SLC27A1: variants seen among roughly 807,000 people sequenced by gnomAD.
The protein encoded by SLC27A1 is solute carrier family 27 member 1, also known as long-chain fatty acid transport protein 1.
Under a neutral mutation model 62.2 loss-of-function variants are expected in SLC27A1, and 61 were observed. The ratio of observed to expected loss-of-function variants is 0.98; its 90% CI spans 0.80 to 1.21. The LOEUF is 1.21. SLC27A1 is among the 50% of genes most tolerant of loss of function. The pLI is 0.00. For synonymous variants in SLC27A1, 435 were observed against 408.6 expected (o/e 1.06, Z -0.78); for missense variants, 903 against 932.1 (o/e 0.97, Z 0.41).
chr19:17,483,117 GGAAT>G (rs1237115034), intron 1 of SLC27A1, among the ~76,000 whole-genome samples: 2 of 151,600 alleles, frequency 1.3e-5, no homozygotes, highest in Non-Finnish European at 1.5e-5. Context: ...AGGGAATGAG[GGAAT>G]GAATGAACAA....
At chr19:17,475,030 T>C (rs566869864) in intron 1 of SLC27A1, among the ~76,000 whole-genome samples, 18 of 152,054 alleles carry the variant, frequency 1.2e-4, no homozygotes, top group African/African-American at 4.3e-4. Context: ...TTCTCCTGTC[T>C]CAGCCTCCCG....
rs912909134 is a variant in SLC27A1, at chr19:17,500,343, C to A, written c.1272C>A (p.Val424=). 1.2e-6 allele frequency: 2 copies of A among 1,614,110 alleles called. No homozygotes were observed. The highest frequency in any genetic ancestry group is 1.7e-6 in the Non-Finnish European group (2 of 1,180,046). The part of the protein sequence containing the change: ...PHVYPIRLVK[V]NEDTMELLRD... ...TGTACCCCATCCGGCTGGTGAAGGT[C>A]AATGAGGACACAATGGAGCTGCTGC... The change falls in exon 8 of 12, where the codon GTC becomes GTA. Residue 424 remains valine (V), a synonymous_variant. Coordinates refer to ENST00000252595, the MANE Select transcript of SLC27A1 (RefSeq NM_198580.3).
rs899132232 is a variant in SLC27A1, at chr19:17,486,256, A to C, written c.168-307A>C. On this transcript the variant is annotated intron_variant, in intron 1 of 11. Coordinates refer to ENST00000252595, the MANE Select transcript of SLC27A1 (RefSeq NM_198580.3). The surrounding 1 kb of genome is among the most constrained non-coding windows in gnomAD (Gnocchi z 6.6). ...TGGGGGATGGTGTCAGGTGCTCCAG[A>C]CGTCGCAGGGGACAGAAAGGAGGAT... Among the ~76,000 whole-genome samples, 10 of 152,124 alleles carry C rather than the reference A, an allele frequency of 6.6e-5. No individual in the cohort carries two copies. The highest frequency in any genetic ancestry group is 2.4e-4 in the African/African-American group (10 of 41,424).
At chr19:17,481,125 A>G (rs1310625111) in intron 1 of SLC27A1, among the ~76,000 whole-genome samples, 1 of 151,456 alleles carries the variant, frequency 6.6e-6, no homozygotes, top group African/African-American at 2.4e-5. Flanking sequence ...GGGTTTCTCC[A>G]TGTTGGCCAG....
At position 17,500,851 on chromosome 19, in the gene SLC27A1, G is replaced by T; in HGVS notation, c.1611G>T (p.Val537=). The T allele has an allele frequency of 1.2e-6, 2 of 1,610,314 alleles. No individual in the cohort carries two copies. The highest frequency in any genetic ancestry group is 1.7e-6 in the Non-Finnish European group (2 of 1,178,816). ...GCCGCCTGCTGGGCCAGACAGACGTGGCCGTCTATGGGGTGGCTGTTCCAG... is the reference window on the plus strand; with the variant it reads ...GCCGCCTGCTGGGCCAGACAGACGTTGCCGTCTATGGGGTGGCTGTTCCAG... ...VLSRLLGQTD[V]AVYGVAVPGV... The change falls in exon 10 of 12, where the codon GTG becomes GTT. Residue 537 remains valine, a synonymous_variant. Transcript: ENST00000252595.
rs373170683 is a variant in SLC27A1, at chr19:17,504,476, C to T, written c.1805C>T (p.Thr602Met). 4.8e-5 allele frequency: 78 copies of T among 1,614,030 alleles called. No homozygotes were observed. The East Asian group carries it at 9.8e-4, about 20-fold the overall frequency. Reference sequence around the variant, plus strand: ...ATAGGCACCTTCAAGATCCAGAAGACGAGGCTGCAGCGAGAGGGCTTTGAC... The same window carrying T: ...ATAGGCACCTTCAAGATCCAGAAGATGAGGCTGCAGCGAGAGGGCTTTGAC... ...DTTGTFKIQK[T>M]RLQREGFDPR... The change falls in exon 12 of 12, where the codon ACG (threonine) becomes ATG (methionine). Residue 602 changes from threonine to methionine, a missense_variant. By Grantham distance (81) the Thr-to-Met change is moderately conservative. Transcript: ENST00000252595.
Position 17,504,905 on chromosome 19 carries a change from T to C in SLC27A1, c.*293T>C, listed in dbSNP as rs1469690160. 1.8e-6 allele frequency: 1 copy of C among 553,352 alleles called. No individual in the cohort carries two copies. Among genetic ancestry groups the C allele is most frequent in the Non-Finnish European group, 3.4e-6 (1 of 290,980 alleles). The allele number at this position is 553,352 out of a possible 1,614,324, so 34.3% of individuals were successfully genotyped here. A position where few individuals can be genotyped will look rare whatever the true frequency, so the allele number is the denominator to read the frequency against. On this transcript the variant is annotated 3_prime_UTR_variant, in exon 12 of 12. Coordinates refer to ENST00000252595, the MANE Select transcript of SLC27A1 (RefSeq NM_198580.3). The stretch of plus-strand genomic sequence containing the variant: ...TTTCTTTTCTTTCTTTCTTTCTTTT[T>C]TTTTTAAGATAGAGTCTCACTCTGC...
chr19:17,496,306 G>T, intron 6 of SLC27A1: 1 of 152,178 alleles, frequency 6.6e-6, no homozygotes, highest in Non-Finnish European at 1.5e-5. Flanking sequence ...AGTGGCGGGG[G>T]GGGAGTCATT....
rs778593653 is a variant in SLC27A1 at position 17,500,797 on chromosome 19, C to G, written c.1557C>G (p.Val519=). 6.2e-7 allele frequency: 1 copy of G among 1,612,646 alleles called. No homozygotes were observed. Among genetic ancestry groups the G allele is most frequent in the Non-Finnish European group, 8.5e-7 (1 of 1,179,638 alleles). The change falls in exon 10 of 12, where the codon GTC becomes GTG. Residue 519 remains valine (V), a synonymous_variant. Transcript: ENST00000252595. The part of the protein sequence containing the change: ...GDTFRWRGEN[V]STTEVEGVLS... ...CCTTCCGCTGGCGAGGGGAGAACGT[C>G]TCCACCACCGAGGTGGAGGGCGTGC... is the stretch of plus-strand genomic sequence containing the variant.
intron 1 of SLC27A1, among the ~76,000 whole-genome samples, chr19:17,485,854 C>G (rs1800548086): frequency 6.6e-6 from 1 of 152,088 alleles, no homozygotes; most frequent in African/African-American, 2.4e-5. Flanking sequence ...AGTTCATTCT[C>G]ATTCATCTAA....
chr19:17,503,931 CAAAAAAAAA>C (rs749427478), intron 11 of SLC27A1, among the ~76,000 whole-genome samples: 9 of 53,316 alleles, frequency 1.7e-4, no homozygotes, highest in Admixed American at 9.9e-4. Context: ...GACTATGTCT[CAAAAAAAAA>C]AAAAAAAAAA....
chr19:17,488,614 C>G (rs917875698), intron 4 of SLC27A1: 11 of 587,972 alleles, frequency 1.9e-5, no homozygotes, highest in Non-Finnish European at 3.1e-5. Context: ...GATCCCCCAA[C>G]CCCCCTGGCT....
intron 7 of SLC27A1, chr19:17,499,249 CG>C: frequency 6.2e-6 from 1 of 162,206 alleles, no homozygotes; most frequent in Non-Finnish European, 1.3e-5. Flanking sequence ...TGGCCCTGTC[CG>C]GGCATAACAG....
rs1299280301 is a variant in SLC27A1, at chr19:17,488,925, T to C, written c.872T>C (p.Leu291Pro). Residue 291 changes from leucine to proline, a missense_variant, in exon 5 of 12, where the codon CTG becomes CCG. By Grantham distance (98) the Leu-to-Pro change is moderately conservative. Transcript: ENST00000252595. ...GACGTGCTCTATGACTGCCTGCCCC[T>C]GTACCACTCGGCAGGTACTACGGCC... ...AADVLYDCLP[L>P]YHSAGNIIGV... 1.2e-6 allele frequency: 2 copies of C among 1,614,100 alleles called. No individual in the cohort carries two copies. Among genetic ancestry groups the C allele is most frequent in the Non-Finnish European group, 1.7e-6 (2 of 1,179,990 alleles).
At position 17,477,006 on chromosome 19, in the gene SLC27A1, A is replaced by G. The variant is rs186959358; in HGVS notation, c.167+6299A>G. Among the ~76,000 whole-genome samples the G allele has an allele frequency of 1.8e-3, 274 of 148,844 alleles. 1 individual carries two copies. The highest frequency in any genetic ancestry group is 6.4e-3 in the African/African-American group (260 of 40,628). ...CGGGTTCAAACAATTCTTATGGCTC[A>G]GCCTCCCAAGTAGCTGGGACTATAG... is the stretch of plus-strand genomic sequence containing the variant. On this transcript the variant is annotated intron_variant, in intron 1 of 11. Coordinates refer to ENST00000252595, the MANE Select transcript of SLC27A1 (RefSeq NM_198580.3).
chr19:17,489,164 G>A (rs1230776696), intron 6 of SLC27A1, 47 bp downstream of exon 6: 2 of 1,522,388 alleles, frequency 1.3e-6, no homozygotes, highest in South Asian at 2.3e-5. Context: ...TCCCAGCCAG[G>A]CCTCACCCCC....
intron 3 of SLC27A1, 37 bp from the exon 4 acceptor site, chr19:17,487,423 G>C (rs1319864308): frequency 2.0e-6 from 2 of 1,006,840 alleles, no homozygotes; most frequent in Non-Finnish European, 2.7e-6. Context: ...ACCCCCCAAT[G>C]CTCAGGCCCC....
upstream of SLC27A1, chr19:17,468,925 G>T (rs1489946684): frequency 2.6e-5 from 4 of 152,382 alleles, no homozygotes; most frequent in African/African-American, 9.6e-5. Context: ...TGCAGAAACA[G>T]AAAGGTCCCC....
At chr19:17,482,396 T>C (rs1268216686) in intron 1 of SLC27A1, among the ~76,000 whole-genome samples, 2 of 152,076 alleles carry the variant, frequency 1.3e-5, no homozygotes, top group African/African-American at 4.8e-5. Flanking sequence ...CTCATGCCTG[T>C]AATCCCACCA....
Sources: gnomAD v4.1 joint callset for allele counts (sites outside exome capture counted in the v4.1 genomes callset) on GRCh38, gnomAD v4.1.1 for gene constraint, Gnocchi (gnomAD v3.1) non-coding constraint, MANE v1.5 for transcripts, NCBI Gene and HGNC (gene_info 2026-07-23, HGNC 2026-07-21) for gene names.